PAK5: variants seen among roughly 807,000 people sequenced by gnomAD.
PAK5 encodes the protein p21 (RAC1) activated kinase 5, also known as serine/threonine-protein kinase PAK 5.
Under a neutral mutation model 65.9 loss-of-function variants are expected in PAK5, and 16 were observed. The ratio of observed to expected loss-of-function variants is 0.24; its 90% CI spans 0.16 to 0.37. PAK5 has a LOEUF of 0.37. Among genes scored for constraint, PAK5 ranks in the 10% least tolerant of loss-of-function variants. The pLI, the probability that PAK5 is intolerant of heterozygous loss-of-function variation, is 1.00. For synonymous variants in PAK5, 371 were observed against 354.9 expected (o/e 1.05, Z -0.51); for missense variants, 785 against 903.9 (o/e 0.87, Z 1.69).
intron 1 of PAK5, among the ~76,000 whole-genome samples, chr20:9,786,488 C>G (rs549867850): frequency 6.6e-6 from 1 of 152,230 alleles, no homozygotes; most frequent in South Asian, 2.1e-4. Flanking sequence ...AAGCCCTACT[C>G]ACTCTTTTAA....
At position 9,825,777 on chromosome 20, in the gene PAK5, C is replaced by T. The variant is rs567332503; in HGVS notation, c.-162+12985G>A. ...TTTCTAGGATAAAATTTTTAAAATGCATCTTTCTAAAATGTCATTTGCGTT... is the reference window on the plus strand; with the variant it reads ...TTTCTAGGATAAAATTTTTAAAATGTATCTTTCTAAAATGTCATTTGCGTT... On this transcript the variant is annotated intron_variant, in intron 1 of 9. Transcript: ENST00000353224. Among the ~76,000 whole-genome samples, 140 of 152,102 alleles carry T rather than the reference C, an allele frequency of 9.2e-4. 2 individuals are homozygous for T. Among genetic ancestry groups the T allele is most frequent in the African/African-American group, 3.3e-3 (135 of 41,506 alleles).
chr20:9,647,174 A>C (rs1003647653), intron 2 of PAK5, among the ~76,000 whole-genome samples: 11 of 152,238 alleles, frequency 7.2e-5, no homozygotes, highest in Admixed American at 6.5e-4. Flanking sequence ...CTGTTACACA[A>C]TTGAGTGCTA....
intron 6 of PAK5, among the ~76,000 whole-genome samples, chr20:9,557,987 C>A (rs980524881): frequency 6.6e-6 from 1 of 151,700 alleles, no homozygotes; most frequent in Non-Finnish European, 1.5e-5. Context: ...GTCATTCATG[C>A]AAATGCACTT....
intron 3 of PAK5, among the ~76,000 whole-genome samples, chr20:9,628,532 T>C (rs2046878352): frequency 6.6e-6 from 1 of 152,256 alleles, no homozygotes; most frequent in East Asian, 1.9e-4. Flanking sequence ...TATTTATACT[T>C]CTGTTATAAC....
chr20:9,691,835 T>C (rs2047802077), intron 2 of PAK5, among the ~76,000 whole-genome samples: 1 of 152,224 alleles, frequency 6.6e-6, no homozygotes, highest in Non-Finnish European at 1.5e-5. Context: ...GTTATTTTTA[T>C]AAACATTTTT....
chr20:9,616,098 A>G (rs1456117538), intron 3 of PAK5, among the ~76,000 whole-genome samples: 2 of 152,222 alleles, frequency 1.3e-5, no homozygotes, highest in African/African-American at 2.4e-5. Flanking sequence ...GATGGGAAGC[A>G]TGTCAAAGAC....
intron 3 of PAK5, among the ~76,000 whole-genome samples, chr20:9,591,337 A>G (rs1011503557): frequency 1.3e-5 from 2 of 152,138 alleles, no homozygotes; most frequent in African/African-American, 4.8e-5. Context: ...CCTCAACTTC[A>G]ACTCTCAGGA....
intron 1 of PAK5, among the ~76,000 whole-genome samples, chr20:9,791,836 G>A (rs558729215): frequency 6.6e-6 from 1 of 152,214 alleles, no homozygotes; most frequent in South Asian, 2.1e-4. Flanking sequence ...TGTTGATTGG[G>A]TCACACCTCC....
chr20:9,743,016 T>C (rs542929684), intron 1 of PAK5, among the ~76,000 whole-genome samples: 8 of 152,316 alleles, frequency 5.3e-5, no homozygotes, highest in African/African-American at 7.2e-5. Flanking sequence ...TTATGAGACA[T>C]AGTCTGCTGG....
intron 1 of PAK5, among the ~76,000 whole-genome samples, chr20:9,717,084 C>CA (rs58508007): frequency 0.12 from 14,323 of 122,352 alleles, 773 homozygotes; most frequent in African/African-American, 0.16. Context: ...GAACTTATCT[C>CA]AAAAAAAAAA....
chr20:9,757,987 G>A (rs2048655078), intron 1 of PAK5, among the ~76,000 whole-genome samples: 1 of 152,188 alleles, frequency 6.6e-6, no homozygotes, highest in Non-Finnish European at 1.5e-5. Flanking sequence ...ATGGATGTTT[G>A]TTGCTCTTGG....
At chr20:9,593,770 C>T (rs1363728191) in intron 3 of PAK5, among the ~76,000 whole-genome samples, 1 of 152,120 alleles carries the variant, frequency 6.6e-6, no homozygotes, top group Non-Finnish European at 1.5e-5. Context: ...CAAATCATGT[C>T]TTTTCTTTTT....
intron 2 of PAK5, among the ~76,000 whole-genome samples, chr20:9,696,078 C>T (rs1014378202): frequency 1.3e-5 from 2 of 152,088 alleles, no homozygotes; most frequent in African/African-American, 2.4e-5. Context: ...AGTTCAATAG[C>T]TCCATGTGGC....
At chr20:9,734,703 A>G (rs1282697191) in intron 1 of PAK5, among the ~76,000 whole-genome samples, 1 of 152,156 alleles carries the variant, frequency 6.6e-6, no homozygotes, top group Non-Finnish European at 1.5e-5. Context: ...ACCAACACTG[A>G]TCTAAAAGTT....
In PAK5 at chr20:9,537,554, G is replaced by T. The variant is rs2045190896; in HGVS notation, c.*1908C>A. 1 of 208,532 alleles carries T rather than the reference G, an allele frequency of 4.8e-6. No homozygotes were observed. The allele number at this position is 208,532 out of a possible 1,614,324, so 12.9% of individuals were successfully genotyped here. On this transcript the variant is annotated 3_prime_UTR_variant, in exon 10 of 10. Coordinates refer to ENST00000353224, the MANE Select transcript of PAK5 (RefSeq NM_177990.4). ...AAATTTCCATTACACTGTCGAAAAT[G>T]TTTGGAATCCAAAATCCACTATTTT...
chr20:9,689,327 CCAGCCTAATTGT>C (rs1173652922), intron 2 of PAK5, among the ~76,000 whole-genome samples: 1 of 152,152 alleles, frequency 6.6e-6, no homozygotes, highest in Non-Finnish European at 1.5e-5. Context: ...CATTCTGTGG[CCAGCCTAATTGT>C]CTACTCAGCC....
At chr20:9,682,755 G>A (rs1410224384) in intron 2 of PAK5, among the ~76,000 whole-genome samples, 14 of 152,150 alleles carry the variant, frequency 9.2e-5, no homozygotes, top group Admixed American at 8.5e-4. Flanking sequence ...TGTAAGAAGG[G>A]AAGTCTATGC....
At chr20:9,674,943 C>A (rs2047548823) in intron 2 of PAK5, among the ~76,000 whole-genome samples, 1 of 152,130 alleles carries the variant, frequency 6.6e-6, no homozygotes, top group Admixed American at 6.6e-5. Context: ...AAGGAGCTAG[C>A]TGCAGGTCAT....
intron 2 of PAK5, among the ~76,000 whole-genome samples, chr20:9,660,849 T>C (rs1160867936): frequency 6.6e-6 from 1 of 151,930 alleles, no homozygotes; most frequent in Non-Finnish European, 1.5e-5. Context: ...CAGAGGGACA[T>C]GAGACAGAGA....
Sources: gnomAD v4.1 joint callset for allele counts (sites outside exome capture counted in the v4.1 genomes callset) on GRCh38, gnomAD v4.1.1 for gene constraint, MANE v1.5 for transcripts, NCBI Gene and HGNC (gene_info 2026-07-23, HGNC 2026-07-21) for gene names.